Variants in ZC3H12B observed in about 807,000 individuals in gnomAD.
ZC3H12B encodes zinc finger CCCH-type containing 12B.
ZC3H12B carries 7 observed loss-of-function variants against 43.9 expected under a neutral mutation model. That is an observed-to-expected ratio of 0.16 (90% CI 0.09 to 0.30). The LOEUF is 0.30. ZC3H12B is among the 10% of genes least tolerant of loss of function. The pLI, the probability that ZC3H12B is intolerant of heterozygous loss-of-function variation, is 1.00. For missense variants in ZC3H12B, 475 were observed against 670.2 expected, an observed-to-expected ratio of 0.71 and a Z score of 3.22; for synonymous variants, 222 against 241.7, an observed-to-expected ratio of 0.92 and a Z score of 0.76.
At chrX:65,075,006 G>T in the ZC3H12B span, among the ~76,000 whole-genome samples, 3 of 111,523 alleles carry the variant, frequency 2.7e-5, no homozygotes, top group Admixed American at 2.8e-4. Context: ...TTCTTTGCTT[G>T]CTTTGTACCT....
chrX:65,199,380 G>T, the ZC3H12B span, among the ~76,000 whole-genome samples: 1 of 109,473 alleles, frequency 9.1e-6, no homozygotes, highest in Non-Finnish European at 1.9e-5. Context: ...ATAGAATTCT[G>T]AATTCCTTTT....
chrX:65,439,715 T>C (rs1424441790), intron 3 of ZC3H12B, among the ~76,000 whole-genome samples: 2 of 111,969 alleles, frequency 1.8e-5, no homozygotes, highest in Non-Finnish European at 3.8e-5. Flanking sequence ...ATAGCTACCA[T>C]TAAATTATTC....
chrX:65,184,363 T>C, the ZC3H12B span, among the ~76,000 whole-genome samples: 2 of 111,271 alleles, frequency 1.8e-5, no homozygotes, highest in Non-Finnish European at 3.8e-5. Context: ...TTGAAGATCA[T>C]CTCATTTGAT....
the ZC3H12B span, among the ~76,000 whole-genome samples, chrX:65,154,120 A>T: frequency 9.0e-6 from 1 of 111,426 alleles, no homozygotes; most frequent in African/African-American, 3.3e-5. Flanking sequence ...TAGGAGATAT[A>T]CCTAATGTTA....
At chrX:65,042,964 G>T in the ZC3H12B span, among the ~76,000 whole-genome samples, 1 of 110,951 alleles carries the variant, frequency 9.0e-6, no homozygotes, top group East Asian at 2.8e-4. Context: ...CACTTAATCA[G>T]CACACAGCCA....
chrX:65,267,147 AC>A, the ZC3H12B span, among the ~76,000 whole-genome samples: 1 of 108,506 alleles, frequency 9.2e-6, no homozygotes, highest in Non-Finnish European at 1.9e-5. Context: ...TTGAAGGAGT[AC>A]CCCAAAACAG....
the ZC3H12B span, among the ~76,000 whole-genome samples, chrX:65,252,578 G>A: frequency 1.2e-4 from 13 of 111,722 alleles, no homozygotes; most frequent in Non-Finnish European, 1.9e-4. Flanking sequence ...CAAGCAAGTG[G>A]TAGGGCTGCA....
At chrX:65,474,600 G>A (rs755936427) in intron 3 of ZC3H12B, among the ~76,000 whole-genome samples, 7 of 109,972 alleles carry the variant, frequency 6.4e-5, no homozygotes, top group East Asian at 2.8e-4. Flanking sequence ...TTTCTATCTC[G>A]CTTTCTTCCA....
the ZC3H12B span, among the ~76,000 whole-genome samples, chrX:65,142,815 T>C: frequency 8.9e-6 from 1 of 112,377 alleles, no homozygotes; most frequent in African/African-American, 3.2e-5. Context: ...CTGTAACTAT[T>C]TGGCTTTATT....
At chrX:65,237,601 C>T in the ZC3H12B span, among the ~76,000 whole-genome samples, 38 of 107,960 alleles carry the variant, frequency 3.5e-4, no homozygotes, top group East Asian at 7.6e-3. Context: ...AATTCTGTAT[C>T]GAATACGAGT....
intron 3 of ZC3H12B, among the ~76,000 whole-genome samples, chrX:65,421,981 T>C (rs1207353072): frequency 9.1e-6 from 1 of 109,703 alleles, no homozygotes; most frequent in Non-Finnish European, 1.9e-5. Flanking sequence ...AGCAATGAGC[T>C]GATGTTCATA....
chrX:65,320,721 T>C, the ZC3H12B span, among the ~76,000 whole-genome samples: 1 of 111,388 alleles, frequency 9.0e-6, no homozygotes, highest in Admixed American at 9.5e-5. Context: ...TGGAACAGAA[T>C]AGAGAGCCCA....
At chrX:65,191,429 T>G in the ZC3H12B span, among the ~76,000 whole-genome samples, 1 of 99,228 alleles carries the variant, frequency 1.0e-5, no homozygotes, top group East Asian at 3.0e-4. Flanking sequence ...CATCTGGTCC[T>G]GGACTCTTTT....
chrX:65,507,777 A>G (rs1441945799), exon 5 of ZC3H12B: 1 of 112,377 alleles, frequency 8.9e-6, no homozygotes, highest in African/African-American at 3.2e-5. Flanking sequence ...TGCTATGACT[A>G]CTTCATGAGG....
At chrX:65,416,625 C>CAA (rs56857046) in intron 3 of ZC3H12B, among the ~76,000 whole-genome samples, 1 of 88,321 alleles carries the variant, frequency 1.1e-5, no homozygotes. Context: ...ACTAAAAATA[C>CAA]AAAAAAAAAA....
intron 2 of ZC3H12B, among the ~76,000 whole-genome samples, chrX:65,386,575 T>G (rs1483826394): frequency 1.8e-5 from 2 of 111,555 alleles, no homozygotes; most frequent in African/African-American, 6.5e-5. Flanking sequence ...CTATCAATTT[T>G]GTTGATCTTT....
At chrX:65,040,471 GA>G in the ZC3H12B span, among the ~76,000 whole-genome samples, 2 of 108,253 alleles carry the variant, frequency 1.8e-5, no homozygotes, top group Non-Finnish European at 3.8e-5. Context: ...TAGAAACAAG[GA>G]AAAAAAATAG....
intron 3 of ZC3H12B, among the ~76,000 whole-genome samples, chrX:65,430,063 GC>G (rs1298031290): frequency 8.9e-6 from 1 of 112,456 alleles, no homozygotes; most frequent in African/African-American, 3.2e-5. Context: ...ATGCTGCTTG[GC>G]TCCCTGGATT....
chrX:65,204,480 AAAT>A, the ZC3H12B span, among the ~76,000 whole-genome samples: 3 of 112,074 alleles, frequency 2.7e-5, no homozygotes, highest in Admixed American at 2.9e-4. Flanking sequence ...ATCTATTATA[AAAT>A]AATCATAATT....
Sources: gnomAD v4.1 joint callset for allele counts (sites outside exome capture counted in the v4.1 genomes callset) on GRCh38, gnomAD v4.1.1 for gene constraint, MANE v1.5 for transcripts, NCBI Gene and HGNC (gene_info 2026-07-23, HGNC 2026-07-21) for gene names.